PAK1: variants seen among roughly 807,000 people sequenced by gnomAD.
PAK1 encodes p21 (RAC1) activated kinase 1.
Under a neutral mutation model 67.4 loss-of-function variants are expected in PAK1, and 29 were observed. That is an observed-to-expected ratio of 0.43 (90% CI 0.32 to 0.59). PAK1 has a LOEUF of 0.59. Ranked by LOEUF, PAK1 falls within the 20% of genes least tolerant of loss-of-function variation. The pLI is 0.07. For synonymous variants in PAK1, 223 were observed against 237.4 expected (o/e 0.94, Z 0.56); for missense variants, 337 against 670.7 (o/e 0.50, Z 5.50).
intron 1 of PAK1, among the ~76,000 whole-genome samples, chr11:77,420,801 T>C (rs899139901): frequency 2.0e-5 from 3 of 152,150 alleles, no homozygotes; most frequent in East Asian, 1.9e-4. Context: ...AAGGGAAATT[T>C]TGGATTAAAA....
chr11:77,501,976 T>C, the PAK1 span, among the ~76,000 whole-genome samples: 1 of 152,210 alleles, frequency 6.6e-6, no homozygotes, highest in Non-Finnish European at 1.5e-5. Flanking sequence ...CAGCTTCCCC[T>C]TCTCTGAGCT....
intron 1 of PAK1, among the ~76,000 whole-genome samples, chr11:77,433,548 G>C (rs1273102254): frequency 6.6e-6 from 1 of 152,170 alleles, no homozygotes. Context: ...GGGGGGCCGA[G>C]GCAGGCGGAT....
the PAK1 span, among the ~76,000 whole-genome samples, chr11:77,493,878 TG>T: frequency 6.6e-6 from 1 of 152,314 alleles, no homozygotes; most frequent in East Asian, 1.9e-4. Flanking sequence ...ATAAACTGAC[TG>T]GATGTTGAGT....
chr11:77,523,100 G>T, the PAK1 span, among the ~76,000 whole-genome samples: 6 of 152,268 alleles, frequency 3.9e-5, no homozygotes, highest in South Asian at 1.2e-3. Flanking sequence ...GGCAAGGGTG[G>T]AAAAACTACT....
intron 2 of PAK1, among the ~76,000 whole-genome samples, chr11:77,386,385 T>C (rs1453311982): frequency 6.6e-6 from 1 of 152,144 alleles, no homozygotes; most frequent in Non-Finnish European, 1.5e-5. Context: ...ACTTTGCTTG[T>C]GAAAATGCAG....
intron 5 of PAK1, among the ~76,000 whole-genome samples, chr11:77,371,679 T>C (rs1592024467): frequency 6.6e-6 from 1 of 152,186 alleles, no homozygotes; most frequent in South Asian, 2.1e-4. Context: ...GCTACCATAA[T>C]ACAAAACATA....
At chr11:77,381,956 C>T (rs1484200061) in intron 2 of PAK1, among the ~76,000 whole-genome samples, 2 of 152,224 alleles carry the variant, frequency 1.3e-5, no homozygotes, top group Non-Finnish European at 2.9e-5. Flanking sequence ...TCCTTTATGA[C>T]GTAAGTCCAT....
chr11:77,410,651 T>G (rs1426971616), intron 1 of PAK1, among the ~76,000 whole-genome samples: 8 of 132,822 alleles, frequency 6.0e-5, no homozygotes, highest in African/African-American at 1.2e-4. Flanking sequence ...AGGGGAAGCA[T>G]GAGGGGAGGA....
intron 1 of PAK1, among the ~76,000 whole-genome samples, chr11:77,431,907 G>A (rs1955878574): frequency 6.6e-6 from 1 of 152,116 alleles, no homozygotes; most frequent in South Asian, 2.1e-4. Flanking sequence ...TTAAAATAAG[G>A]TCACTCTAAA....
At chr11:77,405,169 C>T (rs531101723) in intron 1 of PAK1, among the ~76,000 whole-genome samples, 23 of 152,244 alleles carry the variant, frequency 1.5e-4, no homozygotes, top group African/African-American at 4.8e-4. Flanking sequence ...GCATGTAGGA[C>T]AGCAAAAAGA....
chr11:77,485,872 G>A, the PAK1 span, among the ~76,000 whole-genome samples: 7 of 152,190 alleles, frequency 4.6e-5, no homozygotes, highest in South Asian at 4.1e-4. Flanking sequence ...GTGTGTTCTC[G>A]AACATCGGTA....
chr11:77,442,413 C>T (rs574433676), intron 1 of PAK1, among the ~76,000 whole-genome samples: 2 of 152,168 alleles, frequency 1.3e-5, no homozygotes, highest in Non-Finnish European at 2.9e-5. Flanking sequence ...TTTGAGGAAG[C>T]CAGCTGATAT....
At chr11:77,403,640 C>T (rs1953021697) in intron 1 of PAK1, among the ~76,000 whole-genome samples, 1 of 152,146 alleles carries the variant, frequency 6.6e-6, no homozygotes, top group African/African-American at 2.4e-5. Context: ...CTTGCCCTTC[C>T]CTCCTTTTCC....
intron 2 of PAK1, among the ~76,000 whole-genome samples, chr11:77,382,239 G>A (rs1287524764): frequency 6.6e-6 from 1 of 152,184 alleles, no homozygotes; most frequent in Non-Finnish European, 1.5e-5. Flanking sequence ...CAAAGCATGA[G>A]TGGTTTACAG....
intron 1 of PAK1, among the ~76,000 whole-genome samples, chr11:77,438,985 G>A (rs942874865): frequency 1.3e-5 from 2 of 152,176 alleles, no homozygotes; most frequent in Non-Finnish European, 2.9e-5. Context: ...CTCTTAGCTG[G>A]AGGCAGAGTG....
intron 1 of PAK1, among the ~76,000 whole-genome samples, chr11:77,437,432 C>A (rs1023201598): frequency 1.4e-4 from 21 of 152,208 alleles, no homozygotes; most frequent in African/African-American, 4.8e-4. Flanking sequence ...GTCTGGTACA[C>A]AGTGAGTGCT....
rs115426270 is a variant in PAK1 at position 77,403,702 on chromosome 11, C to T, written c.-21-11161G>A. 5.3e-3 allele frequency among the ~76,000 whole-genome samples: 800 copies of T among 152,308 alleles called. 9 individuals carry two copies. The highest frequency in any genetic ancestry group is 0.018 in the African/African-American group (752 of 41,574). ...TTAGGATAGTTGAACTCAACTTTCT[C>T]CCAACTGTCATTATACTTAAGCAGC... is the stretch of plus-strand genomic sequence containing the variant. On this transcript the variant is annotated intron_variant, in intron 1 of 14. Transcript: ENST00000356341.
At chr11:77,526,856 C>T in the PAK1 span, among the ~76,000 whole-genome samples, 1 of 150,164 alleles carries the variant, frequency 6.7e-6, no homozygotes, top group Admixed American at 6.7e-5. Context: ...GTGGAAGTTG[C>T]AGTGAGCCAA....
chr11:77,509,886 GA>G, the PAK1 span, among the ~76,000 whole-genome samples: 5 of 152,176 alleles, frequency 3.3e-5, no homozygotes, highest in Non-Finnish European at 5.9e-5. Context: ...GCAGAACCAT[GA>G]GCCAATTAAA....
Sources: gnomAD v4.1 joint callset for allele counts (sites outside exome capture counted in the v4.1 genomes callset) on GRCh38, gnomAD v4.1.1 for gene constraint, MANE v1.5 for transcripts, NCBI Gene and HGNC (gene_info 2026-07-23, HGNC 2026-07-21) for gene names.